Variants in KCNT2 observed in about 807,000 individuals in gnomAD.
The protein encoded by KCNT2 is potassium sodium-activated channel subfamily T member 2.
A neutral mutation model predicts 153.8 loss-of-function variants in KCNT2; 67 were observed. That is an observed-to-expected ratio of 0.44 (90% CI 0.36 to 0.53). The LOEUF is 0.53. Ranked by LOEUF, KCNT2 falls within the 20% of genes least tolerant of loss-of-function variation. The pLI is 0.00. For synonymous variants in KCNT2, 500 were observed against 458.8 expected (o/e 1.09, Z -1.15); for missense variants, 975 against 1,354.8 (o/e 0.72, Z 4.40).
intron 23 of KCNT2, among the ~76,000 whole-genome samples, chr1:196,283,811 C>A (rs1318745625): frequency 6.6e-6 from 1 of 152,040 alleles, no homozygotes. Flanking sequence ...GAAAATAGTA[C>A]AGCAAATTAT....
At chr1:196,377,393 C>G (rs566244803) in intron 13 of KCNT2, among the ~76,000 whole-genome samples, 2 of 151,710 alleles carry the variant, frequency 1.3e-5, no homozygotes, top group South Asian at 4.2e-4. Context: ...AAATAATTTT[C>G]TAATTAAAAA....
chr1:196,370,977 A>G (rs1264776884), intron 14 of KCNT2, among the ~76,000 whole-genome samples: 3 of 152,104 alleles, frequency 2.0e-5, no homozygotes, highest in Admixed American at 2.0e-4. Context: ...AATCTCTACC[A>G]TTATGCAATG....
chr1:196,369,432 G>A (rs1008261594), intron 14 of KCNT2, among the ~76,000 whole-genome samples: 10 of 151,696 alleles, frequency 6.6e-5, no homozygotes, highest in South Asian at 2.1e-4. Flanking sequence ...CCACTAACTC[G>A]TCATCTAGCA....
At chr1:196,504,189 G>A (rs555201206) in intron 1 of KCNT2, among the ~76,000 whole-genome samples, 153 of 151,508 alleles carry the variant, frequency 1.0e-3, no homozygotes, top group African/African-American at 3.4e-3. Flanking sequence ...ACCCATTAAC[G>A]CGTCATCTAG....
At chr1:196,384,318 G>C (rs1313486583) in intron 13 of KCNT2, among the ~76,000 whole-genome samples, 1 of 152,016 alleles carries the variant, frequency 6.6e-6, no homozygotes, top group Non-Finnish European at 1.5e-5. Flanking sequence ...GCATTTATGT[G>C]AGCCCACCCA....
intron 26 of KCNT2, among the ~76,000 whole-genome samples, chr1:196,241,821 C>A (rs1463959774): frequency 6.6e-6 from 1 of 152,012 alleles, no homozygotes; most frequent in Non-Finnish European, 1.5e-5. Flanking sequence ...TTCAATATTT[C>A]TTAAAAACCT....
intron 4 of KCNT2, among the ~76,000 whole-genome samples, chr1:196,482,021 A>G (rs1484476521): frequency 2.6e-5 from 4 of 152,190 alleles, no homozygotes; most frequent in Non-Finnish European, 5.9e-5. Context: ...AAGGAATCAT[A>G]TAACAGGAAT....
chr1:196,503,507 A>G (rs909615046), intron 1 of KCNT2, among the ~76,000 whole-genome samples: 7 of 152,210 alleles, frequency 4.6e-5, no homozygotes, highest in Non-Finnish European at 8.8e-5. Flanking sequence ...TATAGAAAAT[A>G]CCATGTAATC....
In KCNT2 at chr1:196,303,374, T is replaced by C. The variant is rs115757897; in HGVS notation, c.2595+1860A>G. Among the ~76,000 whole-genome samples the C allele has an allele frequency of 5.2e-3, 792 of 152,262 alleles. 5 individuals carry two copies. Among genetic ancestry groups the C allele is most frequent in the African/African-American group, 0.018 (738 of 41,548 alleles). On this transcript the variant is annotated intron_variant, in intron 22 of 27. Transcript: ENST00000294725. The stretch of plus-strand genomic sequence containing the variant: ...TATTTTTCCTTTGGATAAAGAGATA[T>C]ATGTAATTGACTGGCATATATACCT...
chr1:196,435,135 G>GTGTGTATATATATATA (rs747899287), intron 8 of KCNT2, among the ~76,000 whole-genome samples: 1 of 76,872 alleles, frequency 1.3e-5, no homozygotes, highest in African/African-American at 4.8e-5. Context: ...GTGTGTGTGT[G>GTGTGTATATATATATA]TATGTATATA....
At chr1:196,595,475 A>C (rs926531762) in intron 1 of KCNT2, among the ~76,000 whole-genome samples, 1 of 152,036 alleles carries the variant, frequency 6.6e-6, no homozygotes, top group Non-Finnish European at 1.5e-5. Flanking sequence ...TGGTATCTAG[A>C]GGGGGCTGGT....
At chr1:196,378,135 G>A (rs1341888819) in intron 13 of KCNT2, among the ~76,000 whole-genome samples, 2 of 152,106 alleles carry the variant, frequency 1.3e-5, no homozygotes, top group Non-Finnish European at 2.9e-5. Flanking sequence ...TCCGTAAAGA[G>A]AAGAATCAAG....
chr1:196,284,925 C>T (rs1659518567), intron 23 of KCNT2, among the ~76,000 whole-genome samples: 1 of 152,132 alleles, frequency 6.6e-6, no homozygotes, highest in Non-Finnish European at 1.5e-5. Context: ...TGCTGAAATG[C>T]TTAATTTGAG....
intron 14 of KCNT2, among the ~76,000 whole-genome samples, chr1:196,351,303 C>T (rs1332733382): frequency 6.6e-6 from 1 of 152,116 alleles, no homozygotes; most frequent in Non-Finnish European, 1.5e-5. Flanking sequence ...GCAGTATGGC[C>T]ATTTTCACGA....
At chr1:196,300,733 C>T (rs746580343) in intron 22 of KCNT2, among the ~76,000 whole-genome samples, 1 of 152,148 alleles carries the variant, frequency 6.6e-6, no homozygotes, top group African/African-American at 2.4e-5. Flanking sequence ...ACATTTGTCA[C>T]ATAAGATTTA....
chr1:196,475,723 A>C (rs1420450396), intron 5 of KCNT2, among the ~76,000 whole-genome samples: 1 of 152,206 alleles, frequency 6.6e-6, no homozygotes, highest in Non-Finnish European at 1.5e-5. Flanking sequence ...ATTCTAAAAA[A>C]ATTATCAAAC....
At chr1:196,387,560 G>A (rs1472767489) in intron 13 of KCNT2, among the ~76,000 whole-genome samples, 1 of 151,842 alleles carries the variant, frequency 6.6e-6, no homozygotes, top group Non-Finnish European at 1.5e-5. Flanking sequence ...AGCTTCAAGA[G>A]GGCATGAGAG....
chr1:196,576,749 A>G (rs149097052), intron 1 of KCNT2, among the ~76,000 whole-genome samples: 33 of 152,172 alleles, frequency 2.2e-4, no homozygotes, highest in African/African-American at 7.2e-4. Flanking sequence ...CAGTTAATTA[A>G]AGCTTTCTAT....
chr1:196,413,278 G>A (rs929205801), intron 12 of KCNT2, among the ~76,000 whole-genome samples: 26 of 151,580 alleles, frequency 1.7e-4, no homozygotes, highest in South Asian at 4.1e-4. Context: ...TGTCACTCTC[G>A]GAAATCTGTT....
Sources: allele counts gnomAD v4.1 joint callset (sites outside exome capture counted in the v4.1 genomes callset), GRCh38; gene constraint gnomAD v4.1.1; transcripts MANE v1.5; gene names NCBI Gene and HGNC (gene_info 2026-07-23, HGNC 2026-07-21).